The following METTL15 variants were observed in gnomAD, a reference collection of about 807,000 sequenced individuals.
METTL15 encodes the protein 12S rRNA N(4)-cytidine methyltransferase METTL15.
METTL15 carries 34 observed loss-of-function variants against 38.3 expected under a neutral mutation model. The ratio of observed to expected loss-of-function variants is 0.89; its 90% CI spans 0.68 to 1.18. METTL15 has a LOEUF of 1.18. METTL15 is among the 50% of genes most tolerant of loss of function. METTL15 has a pLI of 0.00. For missense variants in METTL15, 438 were observed against 498.4 expected (o/e 0.88, Z 1.15); for synonymous variants, 162 against 170.9 (o/e 0.95, Z 0.41).
At chr11:28,163,938 A>C (rs1850562896) in intron 3 of METTL15, 1 of 152,110 alleles carries the variant, frequency 6.6e-6, no homozygotes, top group Admixed American at 6.6e-5. Flanking sequence ...TTGTTTTTTA[A>C]AGAGCCAAGC....
intron 6 of METTL15, among the ~76,000 whole-genome samples, chr11:28,461,913 C>T (rs1200771197): frequency 1.3e-5 from 2 of 151,956 alleles, no homozygotes; most frequent in African/African-American, 4.8e-5. Context: ...AATATATACA[C>T]ATAAATAAAA....
chr11:28,217,645 CTGAATGGTAT>C (rs1456922200), intron 4 of METTL15, among the ~76,000 whole-genome samples: 3 of 152,122 alleles, frequency 2.0e-5, no homozygotes, highest in African/African-American at 7.2e-5. Flanking sequence ...TGCCTATGTC[CTGAATGGTAT>C]TGCCTAGGTT....
intron 4 of METTL15, among the ~76,000 whole-genome samples, chr11:28,250,923 G>C (rs1854715177): frequency 6.6e-6 from 1 of 151,916 alleles, no homozygotes; most frequent in Non-Finnish European, 1.5e-5. Context: ...ATTTGTGGCT[G>C]GGGGTGTAAG....
intron 6 of METTL15, among the ~76,000 whole-genome samples, chr11:28,300,521 C>T (rs1856876466): frequency 6.6e-6 from 1 of 152,160 alleles, no homozygotes; most frequent in Non-Finnish European, 1.5e-5. Flanking sequence ...TCTTCCATAT[C>T]ATGGGAATTC....
downstream of METTL15, among the ~76,000 whole-genome samples, chr11:28,333,927 C>A (rs1308645192): frequency 6.6e-6 from 1 of 151,558 alleles, no homozygotes. Context: ...GTATTACATA[C>A]CTAAGGTTTT....
chr11:28,236,521 C>G (rs567220405), intron 4 of METTL15, among the ~76,000 whole-genome samples: 1 of 152,248 alleles, frequency 6.6e-6, no homozygotes, highest in South Asian at 2.1e-4. Context: ...CAACTTCTTC[C>G]TGGTTTAGTC....
rs576675719 is a variant in METTL15, at chr11:28,301,826, G to A, written c.778+4895G>A. ...GATTATAAGCCCTGCTGTGACTTTT[G>A]TACTAATTACTGTATCATAGCATTT... On this transcript the variant is annotated intron_variant, in intron 6 of 6. Transcript: ENST00000407364. Among the ~76,000 whole-genome samples, 48 of 152,174 alleles carry A rather than the reference G, an allele frequency of 3.2e-4. 1 individual carries two copies. The South Asian group carries it at 9.8e-3, about 31-fold the overall frequency.
intron 3 of METTL15, among the ~76,000 whole-genome samples, chr11:28,344,412 A>G (rs1371241488): frequency 3.9e-5 from 6 of 152,174 alleles, no homozygotes; most frequent in Non-Finnish European, 7.3e-5. Flanking sequence ...CAGGCTCACT[A>G]ATGAAAACAG....
intron 4 of METTL15, among the ~76,000 whole-genome samples, chr11:28,241,113 G>A (rs1226218299): frequency 6.6e-6 from 1 of 152,128 alleles, no homozygotes; most frequent in East Asian, 1.9e-4. Context: ...CTCAGTGCTT[G>A]GGATAAATCA....
chr11:28,489,779 A>T (rs1851478701), intron 6 of METTL15, among the ~76,000 whole-genome samples: 1 of 152,174 alleles, frequency 6.6e-6, no homozygotes, highest in South Asian at 2.1e-4. Flanking sequence ...GAATAATATT[A>T]GTCACTTTGC....
chr11:28,277,254 A>C (rs1182985248), intron 4 of METTL15, among the ~76,000 whole-genome samples: 1 of 152,236 alleles, frequency 6.6e-6, no homozygotes, highest in Non-Finnish European at 1.5e-5. Context: ...AAAAGAAATT[A>C]GTGTATCAAA....
chr11:28,168,247 TGA>T, intron 3 of METTL15, among the ~76,000 whole-genome samples: 1 of 152,094 alleles, frequency 6.6e-6, no homozygotes, highest in African/African-American at 2.4e-5. Flanking sequence ...TCCTCATCCT[TGA>T]GGAAACTCAC....
chr11:28,166,726 G>T (rs1403172849), intron 3 of METTL15, among the ~76,000 whole-genome samples: 2 of 152,166 alleles, frequency 1.3e-5, no homozygotes, highest in Non-Finnish European at 2.9e-5. Flanking sequence ...AAGGTGGGCA[G>T]ATCACCTGAG....
At chr11:28,113,638 G>T (rs753402474) in intron 3 of METTL15, 34 bp downstream of exon 3, 18 of 1,593,320 alleles carry the variant, frequency 1.1e-5, no homozygotes, top group East Asian at 2.2e-5. Context: ...GCAAGTTTTT[G>T]TTGAGATAAA....
At chr11:28,508,175 C>T (rs1851645449) in intron 6 of METTL15, among the ~76,000 whole-genome samples, 1 of 152,124 alleles carries the variant, frequency 6.6e-6, no homozygotes, top group South Asian at 2.1e-4. Flanking sequence ...AGTCCCTCTT[C>T]AGTCCTTATT....
intron 6 of METTL15, among the ~76,000 whole-genome samples, chr11:28,322,373 A>G (rs999206780): frequency 6.6e-6 from 1 of 152,158 alleles, no homozygotes; most frequent in African/African-American, 2.4e-5. Context: ...TGTTCAAGCA[A>G]TTTCTAGCTG....
intron 5 of METTL15, among the ~76,000 whole-genome samples, chr11:28,407,888 A>T (rs1235019421): frequency 1.3e-5 from 2 of 152,204 alleles, no homozygotes; most frequent in Non-Finnish European, 2.9e-5. Flanking sequence ...TTACAATAGC[A>T]AAGACATGAA....
At chr11:28,487,315 G>A (rs977126776) in intron 6 of METTL15, among the ~76,000 whole-genome samples, 1 of 152,048 alleles carries the variant, frequency 6.6e-6, no homozygotes, top group African/African-American at 2.4e-5. Flanking sequence ...TAATAGCATA[G>A]TTAAGTAATT....
At chr11:28,327,850 G>T in intron 6 of METTL15, 1 of 358,690 alleles carries the variant, frequency 2.8e-6, no homozygotes, top group Non-Finnish European at 5.0e-6. Context: ...AAAATAGTAT[G>T]CAAACATTTA....
Sources: gnomAD v4.1 joint callset for allele counts (sites outside exome capture counted in the v4.1 genomes callset) on GRCh38, gnomAD v4.1.1 for gene constraint, MANE v1.5 for transcripts, NCBI Gene and HGNC (gene_info 2026-07-23, HGNC 2026-07-21) for gene names.